CDH12: variants seen among roughly 807,000 people sequenced by gnomAD.
CDH12 encodes cadherin 12.
In CDH12, 41 loss-of-function variants were observed where a neutral mutation model predicts 74.1. The observed-to-expected ratio is 0.55, with a 90% CI of 0.43 to 0.72. The LOEUF is 0.72. Ranked by LOEUF, CDH12 falls within the 30% of genes least tolerant of loss-of-function variation. The probability of loss-of-function intolerance (pLI) is 0.00; values close to 1 mark genes in which losing one functional copy is unlikely to be tolerated. For missense variants in CDH12, 945 were observed against 977.2 expected (o/e 0.97, Z 0.44); for synonymous variants, 399 against 355.0 (o/e 1.12, Z -1.39).
chr5:22,364,336 G>A (rs1740943729), intron 3 of CDH12, among the ~76,000 whole-genome samples: 1 of 152,110 alleles, frequency 6.6e-6, no homozygotes, highest in Non-Finnish European at 1.5e-5. Context: ...TAAACAAACA[G>A]ATTCAAATGT....
rs199599709 is a variant in CDH12, at chr5:22,430,824, C to CT, written c.-427-25474dup. Among the ~76,000 whole-genome samples, 116 of 148,370 alleles carry CT rather than the reference C, an allele frequency of 7.8e-4. 2 individuals carry two copies. In the East Asian group the frequency reaches 0.01, roughly 13 times the overall value. The stretch of plus-strand genomic sequence containing the variant: ...GCCAAGCAGCTAAAATTAGAAACTA[C>CT]TTTTTTTTTTTCTTAGCAAGTAGCT... On this transcript the variant is annotated intron_variant, in intron 2 of 14. Transcript: ENST00000382254.
At chr5:22,018,084 G>T (rs553075530) in intron 5 of CDH12, among the ~76,000 whole-genome samples, 1 of 151,992 alleles carries the variant, frequency 6.6e-6, no homozygotes, top group South Asian at 2.1e-4. Context: ...TTTAGTCCAG[G>T]TTATCTGCTT....
chr5:22,749,767 G>A (rs1745470108), intron 1 of CDH12, among the ~76,000 whole-genome samples: 1 of 152,164 alleles, frequency 6.6e-6, no homozygotes, highest in African/African-American at 2.4e-5. Context: ...GTTAGAAGTG[G>A]TCCTGTTCCC....
chr5:22,704,012 C>T (rs888449443), intron 1 of CDH12, among the ~76,000 whole-genome samples: 4 of 152,230 alleles, frequency 2.6e-5, no homozygotes, highest in East Asian at 1.9e-4. Flanking sequence ...TCACCAAAGG[C>T]GGGGACATCT....
intron 1 of CDH12, among the ~76,000 whole-genome samples, chr5:22,789,346 A>G (rs778645632): frequency 2.6e-5 from 4 of 152,076 alleles, no homozygotes; most frequent in Non-Finnish European, 4.4e-5. Context: ...GTGACATAAT[A>G]AAGAACAAAA....
At chr5:22,843,598 G>C (rs1737171811) in intron 1 of CDH12, among the ~76,000 whole-genome samples, 2 of 148,584 alleles carry the variant, frequency 1.3e-5, no homozygotes, top group African/African-American at 5.0e-5. Flanking sequence ...TGAAGAAGTT[G>C]TTCTTAACAT....
chr5:22,672,613 T>C (rs975438701), intron 1 of CDH12, among the ~76,000 whole-genome samples: 14 of 152,136 alleles, frequency 9.2e-5, no homozygotes, highest in African/African-American at 3.4e-4. Context: ...CTTCTCAGCC[T>C]CCAGAATTGT....
intron 1 of CDH12, among the ~76,000 whole-genome samples, chr5:22,558,294 G>A (rs1738892053): frequency 6.6e-6 from 1 of 152,052 alleles, no homozygotes; most frequent in Admixed American, 6.6e-5. Flanking sequence ...GTTAAGAACT[G>A]CCTCGACTGT....
At chr5:22,629,585 C>G (rs575106448) in intron 1 of CDH12, among the ~76,000 whole-genome samples, 85 of 152,020 alleles carry the variant, frequency 5.6e-4, no homozygotes, top group African/African-American at 2.0e-3. Context: ...AACCTTCAAC[C>G]AACTGGGCAT....
intron 3 of CDH12, among the ~76,000 whole-genome samples, chr5:22,296,346 C>G (rs183600776): frequency 6.6e-6 from 1 of 151,896 alleles, no homozygotes; most frequent in Non-Finnish European, 1.5e-5. Flanking sequence ...ACGTATTCCT[C>G]GAACTATATC....
intron 4 of CDH12, among the ~76,000 whole-genome samples, chr5:22,211,791 T>C (rs1236510928): frequency 2.0e-5 from 3 of 150,554 alleles, no homozygotes; most frequent in Admixed American, 2.0e-4. Flanking sequence ...TACAAACACG[T>C]AATCTCTTAT....
At chr5:22,270,454 G>T (rs1039921806) in intron 3 of CDH12, among the ~76,000 whole-genome samples, 1 of 151,800 alleles carries the variant, frequency 6.6e-6, no homozygotes, top group Non-Finnish European at 1.5e-5. Flanking sequence ...AATTAGCCAG[G>T]CATGGCGGCA....
intron 1 of CDH12, among the ~76,000 whole-genome samples, chr5:22,692,866 T>C (rs763488265): frequency 2.6e-5 from 4 of 152,186 alleles, no homozygotes; most frequent in Non-Finnish European, 5.9e-5. Flanking sequence ...TCCTGCCATT[T>C]CTAACATTCT....
chr5:22,300,829 C>A (rs1406308833), intron 3 of CDH12, among the ~76,000 whole-genome samples: 1 of 152,000 alleles, frequency 6.6e-6, no homozygotes, highest in African/African-American at 2.4e-5. Context: ...AATAGAAAAC[C>A]AATAGCATTT....
chr5:22,535,566 A>G (rs1452524526), intron 1 of CDH12, among the ~76,000 whole-genome samples: 1 of 152,220 alleles, frequency 6.6e-6, no homozygotes. Context: ...TAATATTACT[A>G]TTTTGTAAGT....
intron 3 of CDH12, among the ~76,000 whole-genome samples, chr5:22,278,684 T>C (rs1200602094): frequency 6.6e-6 from 1 of 152,194 alleles, no homozygotes; most frequent in Non-Finnish European, 1.5e-5. Flanking sequence ...CTAAATTCTT[T>C]CTAGCTTTGA....
intron 8 of CDH12, among the ~76,000 whole-genome samples, chr5:21,834,384 A>T: frequency 6.6e-6 from 1 of 151,976 alleles, no homozygotes; most frequent in Middle Eastern, 3.4e-3. Flanking sequence ...GTATCTAAAT[A>T]ATCTAGATTA....
At chr5:22,637,712 T>A (rs571165260) in intron 1 of CDH12, among the ~76,000 whole-genome samples, 20 of 152,346 alleles carry the variant, frequency 1.3e-4, no homozygotes, top group African/African-American at 4.3e-4. Flanking sequence ...AAACGTTGTT[T>A]ATCTTCCTAA....
At chr5:21,922,928 G>A (rs1469406760) in intron 6 of CDH12, among the ~76,000 whole-genome samples, 1 of 119,442 alleles carries the variant, frequency 8.4e-6, no homozygotes. Flanking sequence ...AAAGAAAGAT[G>A]TGTGTATGTG....
Sources: allele counts gnomAD v4.1 joint callset (sites outside exome capture counted in the v4.1 genomes callset), GRCh38; gene constraint gnomAD v4.1.1; transcripts MANE v1.5; gene names NCBI Gene and HGNC (gene_info 2026-07-23, HGNC 2026-07-21).